Variants in ACTR3C observed in about 807,000 individuals in gnomAD.
The protein encoded by ACTR3C is actin related protein 3C.
A neutral mutation model predicts 26.3 loss-of-function variants in ACTR3C; 18 were observed. That is an observed-to-expected ratio of 0.68 (90% CI 0.47 to 1.01). ACTR3C has a LOEUF of 1.01. Among genes scored for constraint, ACTR3C ranks in the 50% least tolerant of loss-of-function variants. ACTR3C has a pLI of 0.00. For synonymous variants in ACTR3C, 55 were observed against 94.5 expected (o/e 0.58, Z 2.42); for missense variants, 184 against 250.7 (o/e 0.73, Z 1.80).
chr7:150,117,223 G>A, the ACTR3C span, among the ~76,000 whole-genome samples: 1 of 152,204 alleles, frequency 6.6e-6, no homozygotes, highest in Non-Finnish European at 1.5e-5. Flanking sequence ...TGGAACACCA[G>A]TGAGACAGAA....
At chr7:150,166,423 G>A in the ACTR3C span, among the ~76,000 whole-genome samples, 1 of 150,936 alleles carries the variant, frequency 6.6e-6, no homozygotes, top group African/African-American at 2.5e-5. Context: ...ACTGGGCTGG[G>A]TGCTGTGGCT....
At chr7:150,064,903 T>G in the ACTR3C span, among the ~76,000 whole-genome samples, 5 of 152,258 alleles carry the variant, frequency 3.3e-5, no homozygotes, top group Non-Finnish European at 7.3e-5. Context: ...AGCATTACTA[T>G]GCCCTTGATC....
chr7:150,040,974 C>T, the ACTR3C span, among the ~76,000 whole-genome samples: 5 of 150,476 alleles, frequency 3.3e-5, no homozygotes, highest in East Asian at 3.9e-4. Flanking sequence ...ATAGGGAGGC[C>T]GTCCTTTAGC....
At chr7:149,972,612 T>A in the ACTR3C span, among the ~76,000 whole-genome samples, 6 of 152,196 alleles carry the variant, frequency 3.9e-5, no homozygotes, top group Non-Finnish European at 7.3e-5. Context: ...TGGCTTCTCA[T>A]CCCTTACACT....
chr7:149,988,246 T>C, the ACTR3C span, among the ~76,000 whole-genome samples: 3 of 152,222 alleles, frequency 2.0e-5, no homozygotes, highest in African/African-American at 4.8e-5. Flanking sequence ...CTGTATTAGT[T>C]ACGCACTGAA....
At position 150,274,279 on chromosome 7, in the gene ACTR3C, C is replaced by T. The variant is rs974437339; in HGVS notation, c.564+10474G>A. ...GAAGGTTTGAGGAAACGGCACCAAG[C>T]AGGTCTGTCAGCGCCATTTTCCCAA... On this transcript the variant is annotated intron_variant, in intron 6 of 7. Transcript: ENST00000683684. This position sits in a 1 kb window ranked among gnomAD's most constrained non-coding sequence, Gnocchi z 4.1. Among the ~76,000 whole-genome samples, 1 of 152,188 alleles carries T rather than the reference C, an allele frequency of 6.6e-6. No homozygotes were observed. The highest frequency in any genetic ancestry group is 2.4e-5 in the African/African-American group (1 of 41,440).
the ACTR3C span, among the ~76,000 whole-genome samples, chr7:150,199,915 G>A: frequency 3.3e-5 from 5 of 151,998 alleles, no homozygotes; most frequent in East Asian, 1.9e-4. Flanking sequence ...AACAAGGTAC[G>A]GGAAGTAAGC....
the ACTR3C span, among the ~76,000 whole-genome samples, chr7:149,989,452 C>T: frequency 6.6e-6 from 1 of 152,076 alleles, no homozygotes; most frequent in African/African-American, 2.4e-5. Flanking sequence ...CCCCAACCCA[C>T]CCCCAACCAT....
chr7:150,291,093 AGT>A (rs200323219), intron 3 of ACTR3C, among the ~76,000 whole-genome samples: 109 of 151,590 alleles, frequency 7.2e-4, no homozygotes, highest in African/African-American at 2.5e-3. Context: ...TTGTGTTTAA[AGT>A]GTGTGTGTGT....
chr7:150,321,077 A>C (rs1797461449), intron 1 of ACTR3C, among the ~76,000 whole-genome samples: 1 of 152,172 alleles, frequency 6.6e-6, no homozygotes, highest in Admixed American at 6.5e-5. Context: ...AATCCTGCTG[A>C]GTCAGTTCAG....
intron 6 of ACTR3C, among the ~76,000 whole-genome samples, chr7:150,284,524 T>A (rs1835608858): frequency 6.6e-6 from 1 of 152,170 alleles, no homozygotes; most frequent in African/African-American, 2.4e-5. Context: ...CCAGCCCGGG[T>A]GACAGAGCAA....
the ACTR3C span, among the ~76,000 whole-genome samples, chr7:150,016,551 T>C: frequency 0.042 from 6,335 of 152,030 alleles, 307 homozygotes; most frequent in African/African-American, 0.1. Flanking sequence ...TCAAGACGGG[T>C]ATGGATATTT....
intron 6 of ACTR3C, among the ~76,000 whole-genome samples, chr7:150,267,019 A>G (rs1367707902): frequency 6.6e-6 from 1 of 152,254 alleles, no homozygotes; most frequent in Non-Finnish European, 1.5e-5. Flanking sequence ...TATTCAGCAG[A>G]CACTGAGTAC....
the ACTR3C span, among the ~76,000 whole-genome samples, chr7:149,886,666 T>C: frequency 1.3e-5 from 2 of 152,126 alleles, no homozygotes; most frequent in Admixed American, 1.3e-4. Flanking sequence ...ATTAAGAATA[T>C]GATAAACAGC....
chr7:150,263,969 G>A (rs904044650), intron 6 of ACTR3C, among the ~76,000 whole-genome samples: 1 of 152,234 alleles, frequency 6.6e-6, no homozygotes, highest in African/African-American at 2.4e-5. Flanking sequence ...ACTATGCTGA[G>A]CTCTCAGCGG....
chr7:150,175,828 AAAAAAAAG>A, the ACTR3C span, among the ~76,000 whole-genome samples: 3 of 149,250 alleles, frequency 2.0e-5, no homozygotes, highest in African/African-American at 5.1e-5. Flanking sequence ...AAAAAAAAAA[AAAAAAAAG>A]AAAGAAAGGA....
At chr7:150,220,721 C>A in the ACTR3C span, among the ~76,000 whole-genome samples, 1 of 152,288 alleles carries the variant, frequency 6.6e-6, no homozygotes, top group Admixed American at 6.5e-5. Context: ...GGGAAACCCG[C>A]GAAAGCCAGG....
chr7:150,051,764 A>G, the ACTR3C span, among the ~76,000 whole-genome samples: 1 of 150,476 alleles, frequency 6.6e-6, no homozygotes, highest in Non-Finnish European at 1.5e-5. Flanking sequence ...AATATAAGTC[A>G]TTGGGATTAG....
the ACTR3C span, among the ~76,000 whole-genome samples, chr7:150,033,445 C>A: frequency 0.011 from 1,641 of 149,842 alleles, 10 homozygotes; most frequent in Non-Finnish European, 0.016. Context: ...CATGCAGACT[C>A]TCATGCACCT....
Sources: gnomAD v4.1 joint callset for allele counts (sites outside exome capture counted in the v4.1 genomes callset) on GRCh38, gnomAD v4.1.1 for gene constraint, Gnocchi (gnomAD v3.1) non-coding constraint, MANE v1.5 for transcripts, NCBI Gene and HGNC (gene_info 2026-07-23, HGNC 2026-07-21) for gene names.